The following GABRB3 variants were observed in gnomAD, a reference collection of about 807,000 sequenced individuals.
The protein encoded by GABRB3 is gamma-aminobutyric acid type A receptor subunit beta3.
GABRB3 carries 14 observed loss-of-function variants against 52.1 expected under a neutral mutation model. The observed-to-expected ratio is 0.27, with a 90% CI of 0.18 to 0.42. The LOEUF (loss-of-function observed/expected upper bound fraction) is 0.42, where lower values mean the gene tolerates loss of function less well. Ranked by LOEUF, GABRB3 falls within the 10% of genes least tolerant of loss-of-function variation. The pLI is 1.00. For missense variants in GABRB3, 307 were observed against 609.1 expected (o/e 0.50, Z 5.22); for synonymous variants, 260 against 232.3 (o/e 1.12, Z -1.08).
chr15:26,598,846 C>T (rs1891485841), intron 4 of GABRB3, among the ~76,000 whole-genome samples: 1 of 152,170 alleles, frequency 6.6e-6, no homozygotes, highest in Non-Finnish European at 1.5e-5. Flanking sequence ...TCTGTTTCTC[C>T]CAGCTGTGGC....
chr15:26,673,508 A>C (rs1395385374), intron 3 of GABRB3, among the ~76,000 whole-genome samples: 1 of 152,218 alleles, frequency 6.6e-6, no homozygotes, highest in Non-Finnish European at 1.5e-5. Context: ...GAGTATAGTA[A>C]GATAGAATGG....
rs185619290 is a variant in GABRB3, at chr15:26,606,259, T to A, written c.461+15055A>T. On this transcript the variant is annotated intron_variant, in intron 4 of 8. Transcript: ENST00000311550. ...ACAACAGGGGGACTATAGTCAAGGA[T>A]AATTGAATTGTACATTTAAACATGA... 1.3e-3 allele frequency among the ~76,000 whole-genome samples: 196 copies of A among 152,234 alleles called. 1 individual carries two copies. Among genetic ancestry groups the A allele is most frequent in the Admixed American group, 3.9e-3 (59 of 15,282 alleles).
intron 6 of GABRB3, among the ~76,000 whole-genome samples, chr15:26,572,115 T>C (rs894160577): frequency 6.6e-6 from 1 of 150,938 alleles, no homozygotes; most frequent in Non-Finnish European, 1.5e-5. Flanking sequence ...ATCCGGCGCA[T>C]GCCCCACACA....
intron 4 of GABRB3, chr15:26,615,335 T>C (rs1892215622): frequency 3.0e-6 from 3 of 985,338 alleles, no homozygotes; most frequent in African/African-American, 1.7e-5. Flanking sequence ...ATGGCATGCA[T>C]ACCCTGTCCA....
rs117107074 is a variant in GABRB3, at chr15:26,555,607, T to C, written c.1080+5325A>G. ...AATAATTTACAAAACTACAGTGCTCTTGGGGGCTTTGGACATGTATGACTA... is the reference window on the plus strand; with the variant it reads ...AATAATTTACAAAACTACAGTGCTCCTGGGGGCTTTGGACATGTATGACTA... On this transcript the variant is annotated intron_variant, in intron 8 of 8. Coordinates refer to ENST00000311550, the MANE Select transcript of GABRB3 (RefSeq NM_000814.6). 1.1e-3 allele frequency among the ~76,000 whole-genome samples: 169 copies of C among 152,300 alleles called. 4 individuals are homozygous for C. In the East Asian group the frequency reaches 0.022, roughly 20 times the overall value.
At chr15:26,595,079 C>T (rs990909645) in intron 4 of GABRB3, among the ~76,000 whole-genome samples, 1 of 152,186 alleles carries the variant, frequency 6.6e-6, no homozygotes, top group African/African-American at 2.4e-5. Context: ...GACCTAATTT[C>T]TCTAAGAGTC....
chr15:26,687,865 A>C (rs1888456552), intron 3 of GABRB3, among the ~76,000 whole-genome samples: 1 of 152,232 alleles, frequency 6.6e-6, no homozygotes, highest in Non-Finnish European at 1.5e-5. Context: ...GCCCAGCTTC[A>C]AACCAAATAA....
intron 3 of GABRB3, among the ~76,000 whole-genome samples, chr15:26,729,984 T>G (rs1889866297): frequency 6.6e-6 from 1 of 152,220 alleles, no homozygotes. Context: ...AGATATGCAT[T>G]AAATATTGTC....
chr15:26,551,938 C>A (rs1240743960), intron 8 of GABRB3, among the ~76,000 whole-genome samples: 3 of 151,518 alleles, frequency 2.0e-5, no homozygotes, highest in Non-Finnish European at 4.4e-5. Flanking sequence ...TTTTATCCAG[C>A]AGAAGGAAAA....
At chr15:26,593,178 T>C (rs1180797751) in intron 4 of GABRB3, among the ~76,000 whole-genome samples, 1 of 152,144 alleles carries the variant, frequency 6.6e-6, no homozygotes, top group Admixed American at 6.6e-5. Context: ...GCAGAAGCTT[T>C]GAAAACAGAG....
At chr15:26,707,258 T>C (rs974645320) in intron 3 of GABRB3, among the ~76,000 whole-genome samples, 2 of 152,102 alleles carry the variant, frequency 1.3e-5, no homozygotes, top group African/African-American at 4.8e-5. Flanking sequence ...CTCTTTTGTA[T>C]GGAAGTTGTG....
chr15:26,678,845 A>T (rs983136989), intron 3 of GABRB3, among the ~76,000 whole-genome samples: 1 of 152,182 alleles, frequency 6.6e-6, no homozygotes, highest in African/African-American at 2.4e-5. Context: ...TACCTCACTG[A>T]GGCTGAGTTC....
At chr15:26,761,539 C>T (rs1254502695) in intron 3 of GABRB3, among the ~76,000 whole-genome samples, 1 of 151,864 alleles carries the variant, frequency 6.6e-6, no homozygotes, top group South Asian at 2.1e-4. Context: ...AAATTATATA[C>T]TATACTATAT....
intron 3 of GABRB3, among the ~76,000 whole-genome samples, chr15:26,718,779 A>G (rs59707843): frequency 6.6e-6 from 1 of 152,140 alleles, no homozygotes; most frequent in African/African-American, 2.4e-5. Flanking sequence ...AAAAATGCCA[A>G]CTTAATCCTG....
chr15:26,671,415 G>C (rs897261400), intron 3 of GABRB3, among the ~76,000 whole-genome samples: 1 of 152,124 alleles, frequency 6.6e-6, no homozygotes, highest in African/African-American at 2.4e-5. Context: ...CAGTTGTGCC[G>C]GAAGGACAAG....
intron 6 of GABRB3, among the ~76,000 whole-genome samples, chr15:26,572,169 A>G (rs79582185): frequency 2.3e-3 from 346 of 152,348 alleles, no homozygotes; most frequent in African/African-American, 7.8e-3. Context: ...CAAACAACGA[A>G]GGTGAATAAA....
chr15:26,670,122 C>T (rs1323541455), intron 3 of GABRB3, among the ~76,000 whole-genome samples: 1 of 152,226 alleles, frequency 6.6e-6, no homozygotes, highest in Non-Finnish European at 1.5e-5. Context: ...CAAGAAGTCT[C>T]CCGGTGCGGG....
At chr15:26,730,334 C>T (rs913833188) in intron 3 of GABRB3, among the ~76,000 whole-genome samples, 1 of 145,240 alleles carries the variant, frequency 6.9e-6, no homozygotes, top group African/African-American at 2.5e-5. Flanking sequence ...AGGAGAATGG[C>T]GTGAACCCGG....
At chr15:26,682,194 A>G (rs936887269) in intron 3 of GABRB3, among the ~76,000 whole-genome samples, 2 of 152,146 alleles carry the variant, frequency 1.3e-5, no homozygotes, top group African/African-American at 4.8e-5. Context: ...ACTCATCCAC[A>G]GCACAGGCAA....
Sources: gnomAD v4.1 joint callset for allele counts (sites outside exome capture counted in the v4.1 genomes callset) on GRCh38, gnomAD v4.1.1 for gene constraint, MANE v1.5 for transcripts, NCBI Gene and HGNC (gene_info 2026-07-23, HGNC 2026-07-21) for gene names.